The following GREM2 variants were observed in gnomAD, a reference collection of about 807,000 sequenced individuals.
The protein encoded by GREM2 is gremlin 2, DAN family BMP antagonist.
In GREM2, 11 loss-of-function variants were observed where a neutral mutation model predicts 14.2. The observed-to-expected ratio is 0.78, with a 90% CI of 0.49 to 1.28. The LOEUF (loss-of-function observed/expected upper bound fraction) is 1.28. Among genes scored for constraint, GREM2 ranks in the 50% most tolerant of loss-of-function variants. GREM2 has a pLI of 0.00. For synonymous variants in GREM2, 98 were observed against 97.6 expected (o/e 1.00, Z -0.02); for missense variants, 210 against 218.5 (o/e 0.96, Z 0.24).
At chr1:240,572,995 C>T (rs1679288315) in intron 1 of GREM2, among the ~76,000 whole-genome samples, 1 of 152,040 alleles carries the variant, frequency 6.6e-6, no homozygotes, top group Non-Finnish European at 1.5e-5. Context: ...TTAAAACTAT[C>T]AAAATAATGC....
At chr1:240,549,716 GAGAAA>G (rs1242831258) in intron 1 of GREM2, among the ~76,000 whole-genome samples, 5 of 152,172 alleles carry the variant, frequency 3.3e-5, no homozygotes, top group East Asian at 3.9e-4. Context: ...TGGAGACAGT[GAGAAA>G]GATGTGGCTC....
intron 1 of GREM2, chr1:240,531,609 G>A: frequency 1.3e-5 from 13 of 980,262 alleles, no homozygotes; most frequent in Non-Finnish European, 1.5e-5. Context: ...GTGGTTATGT[G>A]GCGAGGCCAC....
chr1:240,549,662 T>C (rs1678805804), intron 1 of GREM2, among the ~76,000 whole-genome samples: 1 of 152,138 alleles, frequency 6.6e-6, no homozygotes, highest in South Asian at 2.1e-4. Context: ...TTCTCTGAGA[T>C]AACACTGAAG....
At chr1:240,575,985 G>T (rs531501171) in intron 1 of GREM2, among the ~76,000 whole-genome samples, 1 of 151,146 alleles carries the variant, frequency 6.6e-6, no homozygotes, top group Non-Finnish European at 1.5e-5. Context: ...GGTAAAACCC[G>T]AGAAAGAAAA....
intron 1 of GREM2, among the ~76,000 whole-genome samples, chr1:240,499,094 T>C (rs185145731): frequency 6.6e-6 from 1 of 152,324 alleles, no homozygotes; most frequent in Non-Finnish European, 1.5e-5. Flanking sequence ...GCCCCTTCTA[T>C]CAGCCGTTCC....
intron 1 of GREM2, among the ~76,000 whole-genome samples, chr1:240,496,224 C>T (rs1020299946): frequency 3.3e-5 from 5 of 152,110 alleles, no homozygotes; most frequent in African/African-American, 1.2e-4. Flanking sequence ...GGCCACTGGG[C>T]CAGGCTAAGG....
chr1:240,525,404 A>G lies in GREM2; in HGVS notation c.-1-31928T>C, dbSNP rs79901200. ...AATGAAGGGAAATGGGGAGGGCTCT[A>G]CTTGTGCAACCTGTAATCCTCCTGG... On this transcript the variant is annotated intron_variant, in intron 1 of 1. Transcript: ENST00000318160. 7.3e-3 allele frequency among the ~76,000 whole-genome samples: 1,112 copies of G among 152,192 alleles called. 15 individuals are homozygous for G. The highest frequency in any genetic ancestry group is 0.024 in the African/African-American group (1,009 of 41,518).
At chr1:240,588,032 G>A (rs1440570033) in intron 1 of GREM2, among the ~76,000 whole-genome samples, 1 of 152,188 alleles carries the variant, frequency 6.6e-6, no homozygotes, top group East Asian at 1.9e-4. Flanking sequence ...TGCAGGCACA[G>A]GGAGCTGGAA....
At chr1:240,595,970 T>A (rs976195892) in intron 1 of GREM2, among the ~76,000 whole-genome samples, 5 of 152,188 alleles carry the variant, frequency 3.3e-5, no homozygotes, top group Non-Finnish European at 7.3e-5. Context: ...GTCACAGGAC[T>A]GTTGTTAAGG....
chr1:240,510,367 C>T (rs1033515627), intron 1 of GREM2, among the ~76,000 whole-genome samples: 6 of 42,004 alleles, frequency 1.4e-4, no homozygotes, highest in African/African-American at 1.9e-4. Flanking sequence ...GAGACTCCGT[C>T]GCAAAAAAAA....
chr1:240,524,646 T>C (rs1391419888), intron 1 of GREM2, among the ~76,000 whole-genome samples: 1 of 152,186 alleles, frequency 6.6e-6, no homozygotes, highest in East Asian at 1.9e-4. Flanking sequence ...GAAGAAGCCA[T>C]AGAAGAATGA....
rs200904291 is a variant in GREM2 at position 240,575,901 on chromosome 1, G to GAA, written c.-2+35981_-2+35982dup. 9.5e-3 allele frequency among the ~76,000 whole-genome samples: 1,246 copies of GAA among 130,478 alleles called. 17 individuals are homozygous for GAA. Among genetic ancestry groups the GAA allele is most frequent in the African/African-American group, 0.029 (1,049 of 36,500 alleles). The allele number at this position is 130,478 out of a possible 152,430, so 85.6% of individuals were successfully genotyped here. ...AGCTTTGGTGTTGTGTGCTCTGCTG[G>GAA]AAAAAAAAAAAAAAAAGATGGAGGG... On this transcript the variant is annotated intron_variant, in intron 1 of 1. Transcript: ENST00000318160.
At chr1:240,563,610 CG>C (rs965415023) in intron 1 of GREM2, among the ~76,000 whole-genome samples, 13 of 152,242 alleles carry the variant, frequency 8.5e-5, no homozygotes, top group African/African-American at 3.1e-4. Flanking sequence ...GAACCTTAGG[CG>C]GTCTCTATAG....
intron 1 of GREM2, among the ~76,000 whole-genome samples, chr1:240,514,863 C>T (rs774052276): frequency 1.1e-4 from 17 of 152,126 alleles, no homozygotes; most frequent in South Asian, 2.1e-4. Flanking sequence ...CTCCTCTGCA[C>T]TCCAGCCTCT....
chr1:240,562,829 AGTGT>A (rs570613504), intron 1 of GREM2, among the ~76,000 whole-genome samples: 13 of 145,154 alleles, frequency 9.0e-5, no homozygotes, highest in South Asian at 2.2e-4. Flanking sequence ...TGTACACGTG[AGTGT>A]GTGTATATGA....
At chr1:240,576,518 CT>C (rs887888580) in intron 1 of GREM2, among the ~76,000 whole-genome samples, 5 of 151,512 alleles carry the variant, frequency 3.3e-5, no homozygotes, top group Non-Finnish European at 7.4e-5. Flanking sequence ...CGTTACAAAA[CT>C]TTTTTTTTAA....
chr1:240,543,851 G>A lies in GREM2; in HGVS notation c.-1-50375C>T, dbSNP rs1678654934. Among the ~76,000 whole-genome samples, 1 of 152,136 alleles carries A rather than the reference G, an allele frequency of 6.6e-6. No individual in the cohort carries two copies. The highest frequency in any genetic ancestry group is 1.5e-5 in the Non-Finnish European group (1 of 68,040). The stretch of plus-strand genomic sequence containing the variant: ...AAGAGAAATGCCCTATATAATGTGA[G>A]ACTATTATAATTTTAAAAGTATATT... On this transcript the variant is annotated intron_variant, in intron 1 of 1. Transcript: ENST00000318160. The surrounding 1 kb of genome is among the most constrained non-coding windows in gnomAD (Gnocchi z 6.4).
At chr1:240,519,958 T>C (rs2103301294) in intron 1 of GREM2, among the ~76,000 whole-genome samples, 1 of 152,224 alleles carries the variant, frequency 6.6e-6, no homozygotes, top group East Asian at 1.9e-4. Flanking sequence ...CGCATGCCTG[T>C]AATCCCAGCT....
intron 1 of GREM2, among the ~76,000 whole-genome samples, chr1:240,537,082 AT>A (rs1016848945): frequency 3.3e-5 from 5 of 152,138 alleles, no homozygotes; most frequent in South Asian, 2.1e-4. Flanking sequence ...TTAAATACAG[AT>A]TTTTTTCCCC....
Sources: allele counts gnomAD v4.1 joint callset (sites outside exome capture counted in the v4.1 genomes callset), GRCh38; gene constraint gnomAD v4.1.1; non-coding constraint Gnocchi (gnomAD v3.1); transcripts MANE v1.5; gene names NCBI Gene and HGNC (gene_info 2026-07-23, HGNC 2026-07-21).